The following CGNL1 variants were observed in gnomAD, a reference collection of about 807,000 sequenced individuals.
The protein encoded by CGNL1 is cingulin-like protein 1.
Under a neutral mutation model 141.2 loss-of-function variants are expected in CGNL1, and 132 were observed. That is an observed-to-expected ratio of 0.93 (90% CI 0.81 to 1.08). CGNL1 has a LOEUF of 1.08. Ranked by LOEUF, CGNL1 falls within the 50% of genes least tolerant of loss-of-function variation. CGNL1 has a pLI of 0.00. For missense variants in CGNL1, 1,870 were observed against 1,588.6 expected (o/e 1.18, Z -3.01); for synonymous variants, 690 against 622.1 (o/e 1.11, Z -1.63).
At chr15:57,448,288 A>G (rs2063281184) in intron 4 of CGNL1, among the ~76,000 whole-genome samples, 1 of 151,518 alleles carries the variant, frequency 6.6e-6, no homozygotes, top group African/African-American at 2.4e-5. Flanking sequence ...ACTTTCAGAT[A>G]TTGTGTACTG....
At chr15:57,399,167 A>T (rs557831825) in intron 1 of CGNL1, among the ~76,000 whole-genome samples, 63 of 152,320 alleles carry the variant, frequency 4.1e-4, no homozygotes, top group African/African-American at 1.4e-3. Flanking sequence ...TAGTATATTC[A>T]TCACCTCAAA....
intron 8 of CGNL1, among the ~76,000 whole-genome samples, chr15:57,503,491 A>C (rs745401862): frequency 2.0e-5 from 3 of 152,176 alleles, no homozygotes; most frequent in African/African-American, 4.8e-5. Flanking sequence ...AGAGTGGACC[A>C]GTTGAGGACT....
At chr15:57,419,924 G>A (rs566338292) in intron 1 of CGNL1, among the ~76,000 whole-genome samples, 1 of 152,318 alleles carries the variant, frequency 6.6e-6, no homozygotes, top group African/African-American at 2.4e-5. Flanking sequence ...GCATGGGTGA[G>A]TTGTCTGCTC....
chr15:57,468,234 CTTTTTTTTTT>C (rs57360097), intron 8 of CGNL1, among the ~76,000 whole-genome samples: 1 of 85,916 alleles, frequency 1.2e-5, no homozygotes, highest in African/African-American at 5.0e-5. Context: ...TTTTCTTTTT[CTTTTTTTTTT>C]TTTTTTTTTT....
In CGNL1 at chr15:57,452,132, T is replaced by A. The variant is rs745652187; in HGVS notation, c.1906-9T>A. ...GGAGGCTCTTTAAAATCACACTGAT[T>A]CCTGTTAGAATCAACAGAACATTAA... On this transcript the variant is annotated splice_polypyrimidine_tract_variant and intron_variant, in intron 5 of 18. Coordinates refer to ENST00000281282, the MANE Select transcript of CGNL1 (RefSeq NM_032866.5). 2 of 1,610,090 alleles carry A rather than the reference T, an allele frequency of 1.2e-6. No individual in the cohort carries two copies. The highest frequency in any genetic ancestry group is 1.7e-6 in the Non-Finnish European group (2 of 1,178,590).
rs11298152 is a variant in CGNL1 at position 57,481,064 on chromosome 15, G to GTTTTT, written c.2403+19190_2403+19194dup. ...GCCAGTGATCCAGGAAAGACCTGGGGTTTTTTTTTTTTTTTTTTTTTTAAA... is the reference window on the plus strand; with the variant it reads ...GCCAGTGATCCAGGAAAGACCTGGGGTTTTTTTTTTTTTTTTTTTTTTTTTTTAAA... On this transcript the variant is annotated intron_variant, in intron 8 of 18. Coordinates refer to ENST00000281282, the MANE Select transcript of CGNL1 (RefSeq NM_032866.5). Among the ~76,000 whole-genome samples, 87 of 116,090 alleles carry GTTTTT rather than the reference G, an allele frequency of 7.5e-4. 2 individuals are homozygous for GTTTTT. Among genetic ancestry groups the GTTTTT allele is most frequent in the African/African-American group, 2.4e-3 (78 of 31,964 alleles). 76.2% of individuals were successfully genotyped at this position (116,090 alleles called of 152,430 possible).
intron 8 of CGNL1, among the ~76,000 whole-genome samples, chr15:57,466,853 C>G (rs1367551774): frequency 1.3e-5 from 2 of 152,120 alleles, no homozygotes; most frequent in South Asian, 4.1e-4. Flanking sequence ...AATTTTGCAT[C>G]TAAGAGTTGC....
At chr15:57,492,693 C>T (rs1289259980) in intron 8 of CGNL1, among the ~76,000 whole-genome samples, 1 of 33,834 alleles carries the variant, frequency 3.0e-5, no homozygotes, top group Admixed American at 4.7e-4. Context: ...TTTTGTTGTC[C>T]ATAAGGAAAA....
chr15:57,382,585 T>C (rs535424964), intron 1 of CGNL1, among the ~76,000 whole-genome samples: 2 of 152,328 alleles, frequency 1.3e-5, no homozygotes, highest in African/African-American at 4.8e-5. Flanking sequence ...TACTTATCTC[T>C]TTGCTGGAAG....
intron 1 of CGNL1, among the ~76,000 whole-genome samples, chr15:57,389,062 G>T (rs564769933): frequency 1.3e-5 from 2 of 151,894 alleles, no homozygotes; most frequent in East Asian, 1.9e-4. Flanking sequence ...TTTTGGGCAC[G>T]AGGGGATGTC....
At position 57,461,547 on chromosome 15, in the gene CGNL1, G is replaced by A. The variant is rs571347232; in HGVS notation, c.2191-133G>A. 4 of 735,078 alleles carry A rather than the reference G, an allele frequency of 5.4e-6. No individual in the cohort carries two copies. In the East Asian group the frequency reaches 9.8e-5, roughly 18 times the overall value. 45.5% of individuals were successfully genotyped at this position (735,078 alleles called of 1,614,324 possible). On this transcript the variant is annotated intron_variant, in intron 7 of 18. Transcript: ENST00000281282. ...AAGAAATGGTCTAAACAGGTGTGCG[G>A]GATGTGGAAGGAGAGAGTGGCAAGG...
chr15:57,528,653 G>T lies in CGNL1; in HGVS notation c.3040-1G>T, dbSNP rs773579504. ...ACCATCCCAGCTGTCTCTCCTCCTA[G>T]ATGCGTCTGATGGAGGAAGAGTTAC... On this transcript the variant is annotated splice_acceptor_variant, in intron 12 of 18. Transcript: ENST00000281282. LOFTEE classifies it high-confidence loss of function. 1 of 1,613,950 alleles carries T rather than the reference G, an allele frequency of 6.2e-7. No individual in the cohort carries two copies. The highest frequency in any genetic ancestry group is 1.7e-5 in the Admixed American group (1 of 60,014).
Position 57,438,780 on chromosome 15 carries a change from A to C in CGNL1, c.781A>C (p.Ser261Arg). 6.2e-7 allele frequency: 1 copy of C among 1,614,186 alleles called. No homozygotes were observed. The highest frequency in any genetic ancestry group is 1.1e-5 in the South Asian group (1 of 91,088). ...TAGCGGGAGGCCCCTGACTGCCCAC[A>C]GCCCACATGCCCACCCTGAAACCAA... ...FTSGRPLTAHSPHAHPETKKT... is the reference protein window; with the variant it reads ...FTSGRPLTAHRPHAHPETKKT... The change falls in exon 2 of 19, where the codon AGC (serine) becomes CGC (arginine). Residue 261 changes from serine to arginine, a missense_variant. Physicochemically the swap from Ser to Arg is moderately radical, Grantham distance 110 (BLOSUM62 -1). Transcript: ENST00000281282.
At chr15:57,546,500 G>A (rs1317488725) in intron 18 of CGNL1, among the ~76,000 whole-genome samples, 1 of 152,138 alleles carries the variant, frequency 6.6e-6, no homozygotes, top group Non-Finnish European at 1.5e-5. Context: ...GATCATAAGG[G>A]GAAACAGAGG....
intron 8 of CGNL1, among the ~76,000 whole-genome samples, chr15:57,470,746 T>C (rs1306150996): frequency 1.3e-5 from 2 of 152,290 alleles, no homozygotes; most frequent in East Asian, 1.9e-4. Context: ...GGATCTTATG[T>C]GGTCTTGTGG....
At chr15:57,505,998 G>A (rs183331562) in intron 8 of CGNL1, among the ~76,000 whole-genome samples, 114 of 152,322 alleles carry the variant, frequency 7.5e-4, no homozygotes, top group Admixed American at 2.2e-3. Context: ...GCAGAACTGT[G>A]GACTGGAGTA....
intron 8 of CGNL1, among the ~76,000 whole-genome samples, chr15:57,499,393 A>G (rs1446746268): frequency 2.0e-5 from 3 of 151,882 alleles, no homozygotes; most frequent in African/African-American, 7.3e-5. Context: ...TTGTGCCACC[A>G]CACCTGGCTA....
rs1042669717 is a variant in CGNL1 at position 57,525,892 on chromosome 15, A to G, written c.3039+1141A>G. ...CATCACAGTTCTCTTTGGTATTAAA[A>G]AAAAAAAAATCACATTCATTACTAC... On this transcript the variant is annotated intron_variant, in intron 12 of 18. Transcript: ENST00000281282. Among the ~76,000 whole-genome samples, 32 of 152,120 alleles carry G rather than the reference A, an allele frequency of 2.1e-4. 1 individual carries two copies. The highest frequency in any genetic ancestry group is 7.7e-4 in the African/African-American group (32 of 41,408).
At chr15:57,466,465 A>C (rs2063512541) in intron 8 of CGNL1, among the ~76,000 whole-genome samples, 1 of 152,196 alleles carries the variant, frequency 6.6e-6, no homozygotes, top group Non-Finnish European at 1.5e-5. Flanking sequence ...AGTTTCTCAG[A>C]AAGTAGGTTC....
Sources: allele counts gnomAD v4.1 joint callset (sites outside exome capture counted in the v4.1 genomes callset), GRCh38; gene constraint gnomAD v4.1.1; transcripts MANE v1.5; gene names NCBI Gene and HGNC (gene_info 2026-07-23, HGNC 2026-07-21).